DDX1: variants seen among roughly 807,000 people sequenced by gnomAD.
DDX1 encodes the protein DEAD-box helicase 1.
A neutral mutation model predicts 108.7 loss-of-function variants in DDX1; 28 were observed. That is an observed-to-expected ratio of 0.26 (90% CI 0.19 to 0.35). The LOEUF (loss-of-function observed/expected upper bound fraction) is 0.35, where lower values mean the gene tolerates loss of function less well. Ranked by LOEUF, DDX1 falls within the 10% of genes least tolerant of loss-of-function variation. The pLI is 1.00. For synonymous variants in DDX1, 295 were observed against 288.9 expected, an observed-to-expected ratio of 1.02 and a Z score of -0.21; for missense variants, 710 against 884.5, an observed-to-expected ratio of 0.80 and a Z score of 2.50.
chr2:15,628,511 C>T lies in DDX1; in HGVS notation c.1753C>T (p.Pro585Ser). The change falls in exon 21 of 26, where the codon CCT becomes TCT. Residue 585 changes from proline to serine, a missense_variant. By Grantham distance (74) the Pro-to-Ser change is moderately conservative. Coordinates refer to ENST00000233084, the MANE Select transcript of DDX1 (RefSeq NM_004939.3). ...TAGAGGAATTGATATCCACGGTGTT[C>T]CTTATGGTAAAAAGCAACTTTTTAT... Reference protein sequence around the residue: ...AARGIDIHGVPYVINVTLPDE... With the variant: ...AARGIDIHGVSYVINVTLPDE... 1 of 1,612,616 alleles carries T rather than the reference C, an allele frequency of 6.2e-7. No individual in the cohort carries two copies. Among genetic ancestry groups the T allele is most frequent in the South Asian group, 1.1e-5 (1 of 91,028 alleles).
chr2:15,605,245 A>G (rs534920031), intron 10 of DDX1, among the ~76,000 whole-genome samples: 1 of 152,186 alleles, frequency 6.6e-6, no homozygotes, highest in African/African-American at 2.4e-5. Flanking sequence ...GATTGAGGGT[A>G]GTTAAAGAGA....
chr2:15,594,946 G>C (rs1273181900), intron 1 of DDX1, among the ~76,000 whole-genome samples, 199 bp from the exon 2 acceptor site: 1 of 152,210 alleles, frequency 6.6e-6, no homozygotes, highest in African/African-American at 2.4e-5. Context: ...AAGGTCACTT[G>C]CTAATAAGTG....
At chr2:15,628,877 G>T in intron 23 of DDX1, 38 bp downstream of exon 23, 1 of 1,577,216 alleles carries the variant, frequency 6.3e-7, no homozygotes, top group Non-Finnish European at 8.7e-7. Context: ...CATTGTGTGT[G>T]TTGTGATTTT....
At chr2:15,592,037 A>G in intron 1 of DDX1, 88 bp downstream of exon 1, 2 of 1,229,560 alleles carry the variant, frequency 1.6e-6, no homozygotes, top group Non-Finnish European at 1.1e-6. Flanking sequence ...AAGGGGCGGG[A>G]GCGGACAGGG....
In DDX1 at chr2:15,617,273, A is replaced by G. The variant is rs1665912442; in HGVS notation, c.1047A>G (p.Arg349=). ...GVDIVVGTPG[R]LDDLVSTGKL... ...ATATAGTTGTAGGTACTCCGGGAAGACTAGATGACTTGGTGTCAACTGGAA... is the reference window on the plus strand; with the variant it reads ...ATATAGTTGTAGGTACTCCGGGAAGGCTAGATGACTTGGTGTCAACTGGAA... The change falls in exon 15 of 26, where the codon AGA becomes AGG. Residue 349 remains arginine, a synonymous_variant. Coordinates refer to ENST00000233084, the MANE Select transcript of DDX1 (RefSeq NM_004939.3). 1.9e-6 allele frequency: 3 copies of G among 1,593,034 alleles called. No homozygotes were observed. The Admixed American group carries it at 5.1e-5, about 27-fold the overall frequency.
intron 18 of DDX1, among the ~76,000 whole-genome samples, chr2:15,622,867 A>G (rs4668457): frequency 0.68 from 103,408 of 152,068 alleles, 36,012 homozygotes; most frequent in East Asian, 0.89. Context: ...TGGTTGAGGA[A>G]TAACAATTAT....
chr2:15,612,600 G>T (rs886439642), intron 13 of DDX1, among the ~76,000 whole-genome samples: 62 of 151,800 alleles, frequency 4.1e-4, no homozygotes, highest in Admixed American at 1.4e-3. Flanking sequence ...CTTCCCAGAC[G>T]GGGTGGCGGC....
intron 4 of DDX1, 72 bp from the exon 5 acceptor site, chr2:15,597,303 T>C: frequency 1.1e-6 from 1 of 949,606 alleles, no homozygotes; most frequent in East Asian, 2.5e-5. Context: ...ATAACTTTTG[T>C]CATTTATATT....
intron 14 of DDX1, among the ~76,000 whole-genome samples, chr2:15,615,914 A>C (rs1665885915): frequency 6.6e-6 from 1 of 151,980 alleles, no homozygotes; most frequent in Non-Finnish European, 1.5e-5. Flanking sequence ...ATTTTTGGAG[A>C]TGGAGTCTCG....
rs771559332 is a variant in DDX1 at position 15,621,147 on chromosome 2, A to G, written c.1447+31A>G. On this transcript the variant is annotated intron_variant, in intron 18 of 25. Transcript: ENST00000233084. Reference sequence around the variant, plus strand: ...TTAAAAGAGTCAAATGTGTTGAAAGATTTTGAAAATGAAATTTATACCTTA... The same window carrying G: ...TTAAAAGAGTCAAATGTGTTGAAAGGTTTTGAAAATGAAATTTATACCTTA... 26 of 1,526,450 alleles carry G rather than the reference A, an allele frequency of 1.7e-5. No homozygotes were observed. The Admixed American group carries it at 4.1e-4, about 24-fold the overall frequency. The allele number at this position is 1,526,450 out of a possible 1,614,324, so 94.6% of individuals were successfully genotyped here.
intron 15 of DDX1, among the ~76,000 whole-genome samples, chr2:15,617,826 A>C (rs180783730): frequency 6.6e-6 from 1 of 152,338 alleles, no homozygotes; most frequent in Non-Finnish European, 1.5e-5. Flanking sequence ...AATCATTTTC[A>C]GGTTGGGTTA....
chr2:15,617,115 A>G lies in DDX1; in HGVS notation c.1018-129A>G, dbSNP rs878968955. On this transcript the variant is annotated intron_variant, in intron 14 of 25. Coordinates refer to ENST00000233084, the MANE Select transcript of DDX1 (RefSeq NM_004939.3). ...TATCTGTAACTCCTTTTTTTTTTTTATAAATTTAGAGTTGACTGACTACTT... is the reference window on the plus strand; with the variant it reads ...TATCTGTAACTCCTTTTTTTTTTTTGTAAATTTAGAGTTGACTGACTACTT... 1.3e-4 allele frequency: 46 copies of G among 365,780 alleles called. No homozygotes were observed. The Admixed American group carries it at 2.2e-3, about 18-fold the overall frequency. The allele number at this position is 365,780 out of a possible 1,614,324, so 22.7% of individuals were successfully genotyped here.
At chr2:15,612,399 T>A (rs1364710594) in intron 13 of DDX1, among the ~76,000 whole-genome samples, 6 of 148,424 alleles carry the variant, frequency 4.0e-5, no homozygotes, top group Admixed American at 1.3e-4. Context: ...CCTCACTTCC[T>A]AGATGGGATG....
At chr2:15,627,828 C>T (rs807636) in intron 20 of DDX1, among the ~76,000 whole-genome samples, 18,549 of 152,216 alleles carry the variant, frequency 0.12, 1,544 homozygotes, top group East Asian at 0.37. Context: ...GAAAACACAT[C>T]GCATGGCCTC....
intron 20 of DDX1, 123 bp downstream of exon 20, chr2:15,627,268 C>T: frequency 5.4e-6 from 3 of 552,732 alleles, no homozygotes; most frequent in Non-Finnish European, 9.5e-6. Context: ...TGTTTCTACC[C>T]TAACTAATGT....
chr2:15,595,600 A>G, intron 3 of DDX1, 47 bp downstream of exon 3: 1 of 1,273,892 alleles, frequency 7.8e-7, no homozygotes, highest in Non-Finnish European at 1.2e-6. Context: ...GACACACTCT[A>G]AGAATTGCAT....
rs777609261 is a variant in DDX1, at chr2:15,605,982, C to T, written c.658C>T (p.Pro220Ser). Reference sequence around the variant, plus strand: ...TCTTGGTCTGGCATTTGAAATACCACCACATATGAAAAACCAAGCCCTCTT... The same window carrying T: ...TCTTGGTCTGGCATTTGAAATACCATCACATATGAAAAACCAAGCCCTCTT... ...KDLGLAFEIP[P>S]HMKNQALFPA... The change falls in exon 11 of 26, where the codon CCA (proline) becomes TCA (serine). Residue 220 changes from proline (P) to serine (S), a missense_variant. Physicochemically the swap from Pro to Ser is moderately conservative, Grantham distance 74 (BLOSUM62 -1). This residue lies in a region of DDX1 where 661 missense variants were observed against 810.2 expected (regional missense o/e 0.82). Coordinates refer to ENST00000233084, the MANE Select transcript of DDX1 (RefSeq NM_004939.3). 6.3e-7 allele frequency: 1 copy of T among 1,584,318 alleles called. No homozygotes were observed. The highest frequency in any genetic ancestry group is 2.2e-5 in the East Asian group (1 of 44,518).
chr2:15,630,728 AT>A, intron 25 of DDX1, 47 bp from the exon 26 acceptor site: 1 of 1,579,026 alleles, frequency 6.3e-7, no homozygotes, highest in Non-Finnish European at 8.7e-7. Context: ...CTGACAAGTT[AT>A]TTCAAGCATG....
rs186548607 is a variant in DDX1 at position 15,619,252 on chromosome 2, C to G, written c.1207-956C>G. Among the ~76,000 whole-genome samples, 250 of 152,326 alleles carry G rather than the reference C, an allele frequency of 1.6e-3. 2 individuals are homozygous for G. The highest frequency in any genetic ancestry group is 5.7e-3 in the African/African-American group (235 of 41,582). ...CAGGGCAGTGGGCTCCAGGGTCCTC[C>G]CAGGGGTGGACTCTAGAGACTGTCC... On this transcript the variant is annotated intron_variant, in intron 16 of 25. Coordinates refer to ENST00000233084, the MANE Select transcript of DDX1 (RefSeq NM_004939.3).
Sources: gnomAD v4.1 joint callset for allele counts (sites outside exome capture counted in the v4.1 genomes callset) on GRCh38, gnomAD v4.1.1 for gene constraint, gnomAD v4.1.1 regional missense constraint, MANE v1.5 for transcripts, NCBI Gene and HGNC (gene_info 2026-07-23, HGNC 2026-07-21) for gene names.